Variants in DUSP29 observed in about 807,000 individuals in gnomAD.
DUSP29 encodes dual specificity phosphatase 29.
Under a neutral mutation model 13.5 loss-of-function variants are expected in DUSP29, and 12 were observed. The ratio of observed to expected loss-of-function variants is 0.89; its 90% CI spans 0.57 to 1.44. The LOEUF is 1.44. Ranked by LOEUF, DUSP29 falls within the 40% of genes most tolerant of loss-of-function variation. The pLI is 0.00. For missense variants in DUSP29, 308 were observed against 301.1 expected (o/e 1.02, Z -0.17); for synonymous variants, 134 against 128.7 (o/e 1.04, Z -0.28).
intron 1 of DUSP29, among the ~76,000 whole-genome samples, chr10:75,060,549 T>G (rs1404559449): frequency 1.3e-5 from 2 of 152,164 alleles, no homozygotes; most frequent in East Asian, 3.9e-4. Flanking sequence ...TGAAGATGGA[T>G]AGATAAAGGA....
chr10:75,053,873 G>A (rs1033092894), intron 2 of DUSP29, among the ~76,000 whole-genome samples: 2 of 152,140 alleles, frequency 1.3e-5, no homozygotes, highest in African/African-American at 2.4e-5. Context: ...TCTCTGAGCT[G>A]TGACTTGTCC....
At chr10:75,059,644 G>C (rs1847045322) in intron 1 of DUSP29, among the ~76,000 whole-genome samples, 1 of 152,100 alleles carries the variant, frequency 6.6e-6, no homozygotes, top group African/African-American at 2.4e-5. Flanking sequence ...CAGGGTCTTA[G>C]TGTCAGGGGG....
intron 1 of DUSP29, among the ~76,000 whole-genome samples, chr10:75,063,781 C>T (rs1045835526): frequency 2.6e-5 from 4 of 151,974 alleles, no homozygotes. Context: ...CAAGGTACAG[C>T]TAATTTAAAA....
At chr10:75,054,030 G>T (rs959725406) in intron 2 of DUSP29, among the ~76,000 whole-genome samples, 1 of 152,116 alleles carries the variant, frequency 6.6e-6, no homozygotes, top group Admixed American at 6.6e-5. Context: ...CCATAGGAAA[G>T]GTAAATACAG....
rs574579177 is a variant in DUSP29, at chr10:75,050,102, G to A, written c.201-6085C>T. On this transcript the variant is annotated intron_variant, in intron 2 of 3. Coordinates refer to ENST00000338487, the MANE Select transcript of DUSP29 (RefSeq NM_001003892.3). ...GGAAGAGAGATTTCTCAATTATCCC[G>A]TTTCAGCCAAGCCTTATCACTGGAG... Among the ~76,000 whole-genome samples, 5 of 152,264 alleles carry A rather than the reference G, an allele frequency of 3.3e-5. No individual in the cohort carries two copies. In the South Asian group the frequency reaches 6.2e-4, roughly 19 times the overall value.
intron 3 of DUSP29, among the ~76,000 whole-genome samples, chr10:75,038,603 C>T (rs1043490910): frequency 6.6e-6 from 1 of 151,822 alleles, no homozygotes; most frequent in Non-Finnish European, 1.5e-5. Flanking sequence ...TTCTTTCTGT[C>T]ATGACTCAGT....
rs191454130 is a variant in DUSP29 at position 75,063,672 on chromosome 10, G to A, written c.-34-5124C>T. ...CTTCACTGGTTCTCCTCCCTCTTGG[G>A]TGCTCTGCATGCCACACCGTGCTCC... On this transcript the variant is annotated intron_variant, in intron 1 of 3. Transcript: ENST00000338487. 3.4e-4 allele frequency among the ~76,000 whole-genome samples: 51 copies of A among 151,980 alleles called. No individual in the cohort carries two copies. The East Asian group carries it at 9.9e-3, about 30-fold the overall frequency.
intron 2 of DUSP29, among the ~76,000 whole-genome samples, chr10:75,048,217 C>T (rs577080832): frequency 3.0e-4 from 45 of 152,052 alleles, no homozygotes; most frequent in African/African-American, 1.0e-3. Context: ...AATTGCAGTC[C>T]GTATTCTTTG....
chr10:75,049,519 G>A (rs146292051), intron 2 of DUSP29, among the ~76,000 whole-genome samples: 170 of 152,334 alleles, frequency 1.1e-3, no homozygotes, highest in African/African-American at 3.5e-3. Flanking sequence ...TTCTCTCCCC[G>A]ACCGTCTTGC....
intron 1 of DUSP29, among the ~76,000 whole-genome samples, chr10:75,072,310 T>C (rs1037905494): frequency 6.6e-6 from 1 of 152,114 alleles, no homozygotes; most frequent in African/African-American, 2.4e-5. Context: ...CCCTAGACAC[T>C]GCCATGGGGT....
At chr10:75,052,344 G>A (rs1341212399) in intron 2 of DUSP29, among the ~76,000 whole-genome samples, 2 of 100,588 alleles carry the variant, frequency 2.0e-5, no homozygotes, top group African/African-American at 4.0e-5. Context: ...GTTTCGCTTT[G>A]TCACCAGGCT....
chr10:75,063,244 G>A (rs1181618715), intron 1 of DUSP29, among the ~76,000 whole-genome samples: 1 of 152,190 alleles, frequency 6.6e-6, no homozygotes, highest in African/African-American at 2.4e-5. Flanking sequence ...ATTGTTGTGA[G>A]AAATCTATTG....
At chr10:75,046,972 A>G (rs1846719695) in intron 2 of DUSP29, among the ~76,000 whole-genome samples, 1 of 152,194 alleles carries the variant, frequency 6.6e-6, no homozygotes, top group African/African-American at 2.4e-5. Context: ...CAACATAATC[A>G]AGTGGCAGTT....
chr10:75,066,384 C>T (rs1264462023), intron 1 of DUSP29, among the ~76,000 whole-genome samples: 1 of 151,920 alleles, frequency 6.6e-6, no homozygotes, highest in East Asian at 1.9e-4. Context: ...TCGGTGACTC[C>T]AAGAAATCAA....
chr10:75,069,187 C>G (rs1847267082), intron 1 of DUSP29, among the ~76,000 whole-genome samples: 1 of 152,098 alleles, frequency 6.6e-6, no homozygotes, highest in African/African-American at 2.4e-5. Context: ...ATTGATTTCC[C>G]CAATCTTGGT....
intron 2 of DUSP29, among the ~76,000 whole-genome samples, chr10:75,056,666 CAA>C (rs1163559205): frequency 3.2e-5 from 4 of 125,104 alleles, no homozygotes; most frequent in African/African-American, 3.0e-5. Context: ...GACTCCATCT[CAA>C]AAAAAAAAAA....
At chr10:75,064,970 T>C (rs1763872018) in intron 1 of DUSP29, among the ~76,000 whole-genome samples, 1 of 152,072 alleles carries the variant, frequency 6.6e-6, no homozygotes, top group South Asian at 2.1e-4. Context: ...AGCAGAACAG[T>C]CTTGGCAGGA....
rs11594934 is a variant in DUSP29 at position 75,058,319 on chromosome 10, C to T, written c.196G>A (p.Asp66Asn). Residue 66 changes from aspartate (D) to asparagine (N), a missense_variant, in exon 2 of 4, where the codon GAT becomes AAT. Coordinates refer to ENST00000338487, the MANE Select transcript of DUSP29 (RefSeq NM_001003892.3). ...NEVWPKLYIG[D>N]EATALDRYRL... ...AGCCTGGGCCTGGGCACTTACTCAT[C>T]GCCAATGTAGAGCTTGGGCCAGACC... is the stretch of plus-strand genomic sequence containing the variant. The T allele has an allele frequency of 0.077, 123,576 of 1,611,634 alleles. 6,631 individuals carry two copies. The highest frequency in any genetic ancestry group is 0.24 in the South Asian group (22,053 of 90,956).
chr10:75,062,358 C>T (rs921299699), intron 1 of DUSP29, among the ~76,000 whole-genome samples: 3 of 152,200 alleles, frequency 2.0e-5, no homozygotes, highest in Non-Finnish European at 4.4e-5. Context: ...GAGTCAATTC[C>T]GTTCTGAAAC....
Sources: gnomAD v4.1 joint callset for allele counts (sites outside exome capture counted in the v4.1 genomes callset) on GRCh38, gnomAD v4.1.1 for gene constraint, MANE v1.5 for transcripts, NCBI Gene and HGNC (gene_info 2026-07-23, HGNC 2026-07-21) for gene names.